The following ADGRG4 variants were observed in gnomAD, a reference collection of about 807,000 sequenced individuals.
ADGRG4 encodes G protein-coupled receptor 112.
In ADGRG4, 122 loss-of-function variants were observed where a neutral mutation model predicts 126.2. The observed-to-expected ratio is 0.97, with a 90% CI of 0.83 to 1.12. The LOEUF (loss-of-function observed/expected upper bound fraction) is 1.12, where lower values mean the gene tolerates loss of function less well. Ranked by LOEUF, ADGRG4 falls within the 50% of genes most tolerant of loss-of-function variation. ADGRG4 has a pLI of 0.00. For missense variants in ADGRG4, 2,481 were observed against 2,251.8 expected (o/e 1.10, Z -2.06); for synonymous variants, 943 against 838.7 (o/e 1.12, Z -2.15).
intron 19 of ADGRG4, among the ~76,000 whole-genome samples, chrX:136,396,206 A>G (rs779804650): frequency 2.5e-4 from 27 of 109,377 alleles, no homozygotes; most frequent in African/African-American, 7.6e-4. Flanking sequence ...ATGACTCTCA[A>G]ATGTATTCCT....
chrX:136,416,017 A>G (rs759931369), intron 25 of ADGRG4, among the ~76,000 whole-genome samples: 98 of 112,206 alleles, frequency 8.7e-4, no homozygotes, highest in African/African-American at 3.0e-3. Flanking sequence ...GCTTGATTCT[A>G]TTAGCAGAGA....
At chrX:136,390,676 G>C (rs1422405224) in intron 16 of ADGRG4, among the ~76,000 whole-genome samples, 1 of 111,985 alleles carries the variant, frequency 8.9e-6, no homozygotes, top group Non-Finnish European at 1.9e-5. Flanking sequence ...TGAGCCTACA[G>C]TGCAAAGGGT....
intron 5 of ADGRG4, among the ~76,000 whole-genome samples, chrX:136,336,589 G>A (rs183947684): frequency 9.0e-6 from 1 of 111,634 alleles, no homozygotes; most frequent in African/African-American, 3.3e-5. Flanking sequence ...TTATTATTAT[G>A]TAGTGTCCTT....
intron 21 of ADGRG4, among the ~76,000 whole-genome samples, chrX:136,400,889 T>C (rs1283573149): frequency 8.9e-6 from 1 of 112,110 alleles, no homozygotes; most frequent in Non-Finnish European, 1.9e-5. Context: ...TCGGCTCCTT[T>C]CCTCTCTCTC....
chrX:136,410,575 C>A (rs940190477), intron 23 of ADGRG4, among the ~76,000 whole-genome samples: 1 of 111,763 alleles, frequency 8.9e-6, no homozygotes, highest in African/African-American at 3.3e-5. Context: ...GCAAGCTGAA[C>A]CTGTATAGAG....
intron 5 of ADGRG4, among the ~76,000 whole-genome samples, chrX:136,330,130 A>G (rs2074899447): frequency 9.0e-6 from 1 of 110,928 alleles, no homozygotes; most frequent in African/African-American, 3.3e-5. Flanking sequence ...ATGTCTGTGT[A>G]TTAAGTTCTA....
chrX:136,349,833 C>T lies in ADGRG4; in HGVS notation c.6127C>T (p.Leu2043=). 1 of 1,209,963 alleles carries T rather than the reference C, an allele frequency of 8.3e-7. No individual in the cohort carries two copies. Among genetic ancestry groups the T allele is most frequent in the Non-Finnish European group, 1.1e-6 (1 of 894,446 alleles). ...AGTAGAGGTGTCAAAATCAACATTT[C>T]TGACATCTGACATGATATCAGCGCA... ...STVEVSKSTF[L]TSDMISAHPF... The change falls in exon 6 of 26, where the codon CTG becomes TTG. Residue 2043 remains leucine, a synonymous_variant. Transcript: ENST00000394143.
intron 17 of ADGRG4, among the ~76,000 whole-genome samples, chrX:136,392,993 C>T (rs979201790): frequency 4.5e-5 from 5 of 111,752 alleles, no homozygotes; most frequent in African/African-American, 6.5e-5. Flanking sequence ...CCAAATGAAA[C>T]GTGTTAGATA....
intron 11 of ADGRG4, among the ~76,000 whole-genome samples, chrX:136,359,891 A>T (rs187423105): frequency 1.8e-5 from 2 of 111,996 alleles, no homozygotes; most frequent in African/African-American, 6.5e-5. Context: ...TTCTCTGATT[A>T]GCAAAGCTTT....
intron 10 of ADGRG4, 126 bp from the exon 11 acceptor site, chrX:136,359,165 AG>A: frequency 1.9e-6 from 1 of 531,763 alleles, no homozygotes; most frequent in South Asian, 3.6e-5. Flanking sequence ...GCTGCTTAAT[AG>A]CTGTAAAATG....
intron 1 of ADGRG4, among the ~76,000 whole-genome samples, chrX:136,303,044 G>C (rs2074712105): frequency 8.9e-6 from 1 of 111,844 alleles, no homozygotes; most frequent in Non-Finnish European, 1.9e-5. Context: ...GCATGAGCCT[G>C]GTGCAGTGGC....
chrX:136,363,493 A>G lies in ADGRG4; in HGVS notation c.7294A>G (p.Thr2432Ala). The change falls in exon 13 of 26, where the codon ACG (threonine) becomes GCG (alanine). Residue 2432 changes from threonine (T) to alanine (A), a missense_variant. Thr to Ala is a moderately conservative substitution (Grantham distance 58, BLOSUM62 0). Transcript: ENST00000394143. ...CTTTTTCAGTTCAATCAGCATCAAC[A>G]CGGGCAAATCTCAGTGGGAAAAGCC... ...ATRFCSISIN[T>A]GKSQWEKPKF... 3.4e-6 allele frequency: 4 copies of G among 1,190,731 alleles called. No homozygotes were observed. Among genetic ancestry groups the G allele is most frequent in the Non-Finnish European group, 4.6e-6 (4 of 876,308 alleles).
At chrX:136,370,028 CT>C (rs1480097405) in intron 13 of ADGRG4, among the ~76,000 whole-genome samples, 1 of 111,247 alleles carries the variant, frequency 9.0e-6, no homozygotes, top group Non-Finnish European at 1.9e-5. Flanking sequence ...CCTGTGTAGG[CT>C]TTTGAAGGTG....
chrX:136,304,283 C>T (rs1198187984), intron 2 of ADGRG4, 76 bp downstream of exon 2: 5 of 111,641 alleles, frequency 4.5e-5, no homozygotes, highest in South Asian at 3.8e-4. Context: ...TCAATTATTT[C>T]ATTTGTGCTA....
chrX:136,349,952 TG>T lies in ADGRG4; in HGVS notation c.6248del (p.Gly2083AlafsTer10). 2 of 1,210,596 alleles carry T rather than the reference TG, an allele frequency of 1.7e-6. No homozygotes were observed. The highest frequency in any genetic ancestry group is 3.5e-5 in the South Asian group (2 of 56,914). ...PTPTLGGITT[G>X]FPTSLPMSIN... ...CACCTACACTGGGTGGTATCACTACTGGCTTCCCAACTTCTCTCCCTATGTC... is the reference window on the plus strand; with the variant it reads ...CACCTACACTGGGTGGTATCACTACTGCTTCCCAACTTCTCTCCCTATGTC... On this transcript the variant is annotated frameshift_variant, in exon 6 of 26. Coordinates refer to ENST00000394143, the MANE Select transcript of ADGRG4 (RefSeq NM_153834.4). LOFTEE classifies it high-confidence loss of function.
chrX:136,312,181 G>A (rs962967260), intron 4 of ADGRG4, among the ~76,000 whole-genome samples: 1 of 112,435 alleles, frequency 8.9e-6, no homozygotes, highest in Non-Finnish European at 1.9e-5. Flanking sequence ...ATACAAGCCA[G>A]GTTTTAAGTG....
At chrX:136,354,202 A>G (rs2075079794) in intron 8 of ADGRG4, among the ~76,000 whole-genome samples, 1 of 112,084 alleles carries the variant, frequency 8.9e-6, no homozygotes, top group Admixed American at 9.4e-5. Context: ...ATGGAGGTAA[A>G]TGTACGGTAG....
intron 4 of ADGRG4, among the ~76,000 whole-genome samples, chrX:136,319,938 C>T (rs1435466741): frequency 8.9e-6 from 1 of 111,835 alleles, no homozygotes; most frequent in African/African-American, 3.3e-5. Context: ...TTTCCCTAAT[C>T]TCACACCTAA....
intron 5 of ADGRG4, among the ~76,000 whole-genome samples, chrX:136,336,032 G>A (rs1039267395): frequency 1.8e-5 from 2 of 110,224 alleles, no homozygotes; most frequent in Non-Finnish European, 3.8e-5. Context: ...TGTTTTAGTT[G>A]TATCTCCCAA....
Sources: gnomAD v4.1 joint callset for allele counts (sites outside exome capture counted in the v4.1 genomes callset) on GRCh38, gnomAD v4.1.1 for gene constraint, MANE v1.5 for transcripts, NCBI Gene and HGNC (gene_info 2026-07-23, HGNC 2026-07-21) for gene names.